TACR1: variants seen among roughly 807,000 people sequenced by gnomAD.
The protein encoded by TACR1 is tachykinin receptor 1, also known as substance-P receptor.
In TACR1, 25 loss-of-function variants were observed where a neutral mutation model predicts 35.8. That is an observed-to-expected ratio of 0.70 (90% CI 0.51 to 0.98). The LOEUF (loss-of-function observed/expected upper bound fraction) is 0.98, where lower values mean the gene tolerates loss of function less well. Among genes scored for constraint, TACR1 ranks in the 50% least tolerant of loss-of-function variants. The pLI is 0.00. For missense variants in TACR1, 478 were observed against 522.9 expected (o/e 0.91, Z 0.84); for synonymous variants, 195 against 206.7 (o/e 0.94, Z 0.48).
At chr2:75,090,536 C>G (rs913337082) in intron 2 of TACR1, among the ~76,000 whole-genome samples, 4 of 152,150 alleles carry the variant, frequency 2.6e-5, no homozygotes, top group Non-Finnish European at 5.9e-5. Flanking sequence ...AGTCTTTAGA[C>G]AAACTCAACC....
At chr2:75,051,507 C>G in intron 3 of TACR1, 60 bp from the exon 4 acceptor site, 1 of 1,596,628 alleles carries the variant, frequency 6.3e-7, no homozygotes. Context: ...ACGGCTGCTT[C>G]CTCTCTCCTC....
rs1421304733 is a variant in TACR1, at chr2:75,048,051, A to G, written c.*1381T>C. On this transcript the variant is annotated 3_prime_UTR_variant, in exon 5 of 5. Coordinates refer to ENST00000305249, the MANE Select transcript of TACR1 (RefSeq NM_001058.4). ...AATTAGGATATAAAGCATTCAGTTC[A>G]TGGCTCTTGGAAGACTGACTGTCCT... The G allele has an allele frequency of 6.6e-6, 1 of 152,222 alleles. No individual in the cohort carries two copies. Among genetic ancestry groups the G allele is most frequent in the Non-Finnish European group, 1.5e-5 (1 of 68,032 alleles). The allele number at this position is 152,222 out of a possible 1,614,324, so 9.4% of individuals were successfully genotyped here.
chr2:75,105,908 C>T (rs908527531), intron 2 of TACR1, among the ~76,000 whole-genome samples: 2 of 151,724 alleles, frequency 1.3e-5, no homozygotes, highest in Non-Finnish European at 2.9e-5. Flanking sequence ...CTGTCACAAC[C>T]AAGAGGAGCC....
intron 1 of TACR1, among the ~76,000 whole-genome samples, chr2:75,161,947 T>C (rs1369971663): frequency 6.7e-6 from 1 of 150,290 alleles, no homozygotes; most frequent in Non-Finnish European, 1.5e-5. Context: ...GGTCAGTGAA[T>C]GTATCAGGTA....
intron 1 of TACR1, among the ~76,000 whole-genome samples, chr2:75,164,168 A>C (rs967144112): frequency 2.6e-5 from 4 of 151,154 alleles, no homozygotes; most frequent in Non-Finnish European, 5.9e-5. Flanking sequence ...TCTACTAAAA[A>C]TACAAAATAT....
At chr2:75,091,970 A>G (rs966412831) in intron 2 of TACR1, among the ~76,000 whole-genome samples, 1 of 152,256 alleles carries the variant, frequency 6.6e-6, no homozygotes, top group African/African-American at 2.4e-5. Context: ...AAATAAGGAC[A>G]ACGATATCTA....
chr2:75,115,870 G>A (rs1226852394), intron 2 of TACR1, among the ~76,000 whole-genome samples: 6 of 120,644 alleles, frequency 5.0e-5, no homozygotes, highest in Non-Finnish European at 7.9e-5. Context: ...TCGCGCCACT[G>A]CACTCCAGCC....
chr2:75,170,906 A>G lies in TACR1; in HGVS notation c.389+27640T>C, dbSNP rs150782244. Among the ~76,000 whole-genome samples the G allele has an allele frequency of 6.8e-3, 1,040 of 152,300 alleles. 9 individuals are homozygous for G. Among genetic ancestry groups the G allele is most frequent in the African/African-American group, 0.024 (1,012 of 41,574 alleles). ...TTCAGTTTTATGTAGTCACAAAGAT[A>G]TGGTTTGGAATTGGAACTTATGTTT... On this transcript the variant is annotated intron_variant, in intron 1 of 4. Transcript: ENST00000305249.
At chr2:75,171,236 ACT>A (rs1030382659) in intron 1 of TACR1, among the ~76,000 whole-genome samples, 5 of 152,172 alleles carry the variant, frequency 3.3e-5, no homozygotes, top group African/African-American at 1.2e-4. Flanking sequence ...CCAAAGTATA[ACT>A]CAGGCCATTG....
chr2:75,066,516 G>A (rs1573463124), intron 2 of TACR1, among the ~76,000 whole-genome samples: 1 of 152,280 alleles, frequency 6.6e-6, no homozygotes, highest in African/African-American at 2.4e-5. Context: ...GCTTAAAAAA[G>A]CAGGCCCAGG....
chr2:75,137,315 T>C (rs1674311799), intron 1 of TACR1, among the ~76,000 whole-genome samples: 1 of 152,210 alleles, frequency 6.6e-6, no homozygotes, highest in African/African-American at 2.4e-5. Context: ...TTAAAATTAG[T>C]ATTTATGAAA....
At position 75,198,642 on chromosome 2, in the gene TACR1, C is replaced by T; in HGVS notation, c.293G>A (p.Trp98Ter). The T allele has an allele frequency of 6.2e-7, 1 of 1,614,222 alleles. No individual in the cohort carries two copies. Among genetic ancestry groups the T allele is most frequent in the Non-Finnish European group, 8.5e-7 (1 of 1,180,040 alleles). ...VNFTYAVHNE[W>*]YYGLFYCKFH... Reference sequence around the variant, plus strand: ...CTTGCAGTAGAACAGGCCGTAGTACCATTCGTTGTGGACAGCATAGGTGAA... The same window carrying T: ...CTTGCAGTAGAACAGGCCGTAGTACTATTCGTTGTGGACAGCATAGGTGAA... Residue 98 changes from tryptophan to a stop codon, truncating the protein, a stop_gained, in exon 1 of 5, where the codon TGG becomes TAG. Coordinates refer to ENST00000305249, the MANE Select transcript of TACR1 (RefSeq NM_001058.4). LOFTEE classifies it high-confidence loss of function.
intron 1 of TACR1, among the ~76,000 whole-genome samples, chr2:75,121,010 A>T (rs1457793497): frequency 6.6e-6 from 1 of 152,244 alleles, no homozygotes; most frequent in African/African-American, 2.4e-5. Flanking sequence ...ATCTAGCAGC[A>T]TTCAAGGAGA....
At chr2:75,128,481 T>C (rs1241565548) in intron 1 of TACR1, among the ~76,000 whole-genome samples, 1 of 152,158 alleles carries the variant, frequency 6.6e-6, no homozygotes, top group East Asian at 1.9e-4. Context: ...GTGTATAATA[T>C]TCTGAGTGTT....
intron 1 of TACR1, among the ~76,000 whole-genome samples, chr2:75,161,955 G>A (rs1675020009): frequency 6.9e-6 from 1 of 145,520 alleles, no homozygotes; most frequent in African/African-American, 2.6e-5. Flanking sequence ...AATGTATCAG[G>A]TAATCACTAA....
At position 75,196,391 on chromosome 2, in the gene TACR1, C is replaced by T. The variant is rs557176203; in HGVS notation, c.389+2155G>A. 1.4e-3 allele frequency among the ~76,000 whole-genome samples: 208 copies of T among 152,260 alleles called. 1 individual carries two copies. The highest frequency in any genetic ancestry group is 0.011 in the South Asian group (53 of 4,814). On this transcript the variant is annotated intron_variant, in intron 1 of 4. Transcript: ENST00000305249. ...ACTTGGCAGACATGGAGACAGAGAC[C>T]TGAAGTCTCATCCCTAATTCTACCT...
chr2:75,081,174 A>G (rs1012688636), intron 2 of TACR1, among the ~76,000 whole-genome samples: 5 of 152,230 alleles, frequency 3.3e-5, no homozygotes, highest in African/African-American at 1.2e-4. Flanking sequence ...AATCACTTTG[A>G]ATATAGAAAC....
At chr2:75,064,495 G>A (rs1672728929) in intron 2 of TACR1, among the ~76,000 whole-genome samples, 1 of 152,118 alleles carries the variant, frequency 6.6e-6, no homozygotes, top group African/African-American at 2.4e-5. Context: ...ATTGATCTGT[G>A]TGGGGAAAAA....
intron 1 of TACR1, among the ~76,000 whole-genome samples, chr2:75,172,187 G>C (rs567564712): frequency 6.6e-6 from 1 of 152,174 alleles, no homozygotes; most frequent in East Asian, 1.9e-4. Flanking sequence ...TTGTTTTCTT[G>C]AATGGAGAAC....
Sources: allele counts gnomAD v4.1 joint callset (sites outside exome capture counted in the v4.1 genomes callset), GRCh38; gene constraint gnomAD v4.1.1; transcripts MANE v1.5; gene names NCBI Gene and HGNC (gene_info 2026-07-23, HGNC 2026-07-21).